The following TRIM58 variants were observed in gnomAD, a reference collection of about 807,000 sequenced individuals.
TRIM58 encodes tripartite motif containing 58.
In TRIM58, 38 loss-of-function variants were observed where a neutral mutation model predicts 34.1. The ratio of observed to expected loss-of-function variants is 1.12; its 90% CI spans 0.86 to 1.46. The LOEUF is 1.46. Among genes scored for constraint, TRIM58 ranks in the 40% most tolerant of loss-of-function variants. TRIM58 has a pLI of 0.00. For missense variants in TRIM58, 677 were observed against 642.0 expected (o/e 1.05, Z -0.59); for synonymous variants, 273 against 275.7 (o/e 0.99, Z 0.10).
At chr1:247,862,889 T>A (rs984811691) in intron 2 of TRIM58, among the ~76,000 whole-genome samples, 3 of 152,200 alleles carry the variant, frequency 2.0e-5, no homozygotes, top group African/African-American at 7.2e-5. Flanking sequence ...GAAAGGAAGA[T>A]GGATTGCAGG....
chr1:247,879,828 T>C lies in TRIM58; in HGVS notation c.*3339T>C, dbSNP rs1295123909. Among the ~76,000 whole-genome samples the C allele has an allele frequency of 6.6e-6, 1 of 151,696 alleles. No homozygotes were observed. Among genetic ancestry groups the C allele is most frequent in the Non-Finnish European group, 1.5e-5 (1 of 67,960 alleles). On this transcript the variant is annotated 3_prime_UTR_variant, in exon 6 of 6. Coordinates refer to ENST00000366481, the MANE Select transcript of TRIM58 (RefSeq NM_015431.4). ...ACTCTTCTGAGATCCAGCTTCTCAGTGATACCACACAGCCCTACTCCCCCC... is the reference window on the plus strand; with the variant it reads ...ACTCTTCTGAGATCCAGCTTCTCAGCGATACCACACAGCCCTACTCCCCCC...
At chr1:247,858,913 T>G (rs1663707602) in intron 1 of TRIM58, among the ~76,000 whole-genome samples, 2 of 151,854 alleles carry the variant, frequency 1.3e-5, no homozygotes, top group Admixed American at 1.3e-4. Flanking sequence ...ATTACAGGTA[T>G]GCGTCACCAC....
In TRIM58 at chr1:247,876,391, C is replaced by T. The variant is rs766276001; in HGVS notation, c.1363C>T (p.Pro455Ser). ...TTACTTTTTCATCTGTGATGCAACTCCTCTTATCTTGCCACCCACAACAAT... is the reference window on the plus strand; with the variant it reads ...TTACTTTTTCATCTGTGATGCAACTTCTCTTATCTTGCCACCCACAACAAT... ...RPYFFICDAT[P>S]LILPPTTIAG... is the part of the protein sequence containing the mutation. Residue 455 changes from proline to serine, a missense_variant, in exon 6 of 6, where the codon CCT becomes TCT. Transcript: ENST00000366481. 1 of 1,614,170 alleles carries T rather than the reference C, an allele frequency of 6.2e-7. No homozygotes were observed. The highest frequency in any genetic ancestry group is 2.2e-5 in the East Asian group (1 of 44,886).
At chr1:247,859,165 C>A (rs988672814) in intron 1 of TRIM58, among the ~76,000 whole-genome samples, 5 of 152,024 alleles carry the variant, frequency 3.3e-5, no homozygotes, top group Admixed American at 1.3e-4. Flanking sequence ...TTTCTAGGGC[C>A]CTAAGTTATG....
intron 3 of TRIM58, among the ~76,000 whole-genome samples, chr1:247,865,143 G>A (rs1214690526): frequency 6.6e-6 from 1 of 152,188 alleles, no homozygotes; most frequent in African/African-American, 2.4e-5. Flanking sequence ...GAATCATATA[G>A]TTTGAGTCTG....
chr1:247,861,942 G>A (rs1416533649), intron 2 of TRIM58, among the ~76,000 whole-genome samples: 2 of 151,578 alleles, frequency 1.3e-5, no homozygotes, highest in South Asian at 2.1e-4. Context: ...TGACCAACAC[G>A]GAGAAACCCC....
At chr1:247,862,711 A>T (rs889019248) in intron 2 of TRIM58, among the ~76,000 whole-genome samples, 1 of 152,176 alleles carries the variant, frequency 6.6e-6, no homozygotes, top group Non-Finnish European at 1.5e-5. Context: ...TGATACTAAG[A>T]TCCCTGTTCT....
In TRIM58 at chr1:247,864,822, CT is replaced by C; in HGVS notation, c.635del (p.Leu212ArgfsTer18). ...GCTGGAGGCGGAGGAGCGAGCGACGCTGCAGAGACTGCGGGAGAGCAAGAGC... is the reference window on the plus strand; with the variant it reads ...GCTGGAGGCGGAGGAGCGAGCGACGCGCAGAGACTGCGGGAGAGCAAGAGC... ...RRLEAEERAT[L>X]QRLRESKSRL... On this transcript the variant is annotated frameshift_variant, in exon 3 of 6. Coordinates refer to ENST00000366481, the MANE Select transcript of TRIM58 (RefSeq NM_015431.4). LOFTEE classifies it high-confidence loss of function. 1 of 1,613,728 alleles carries C rather than the reference CT, an allele frequency of 6.2e-7. No individual in the cohort carries two copies. Among genetic ancestry groups the C allele is most frequent in the African/African-American group, 1.3e-5 (1 of 75,054 alleles).
At chr1:247,860,573 T>G in intron 1 of TRIM58, 44 bp from the exon 2 acceptor site, 4 of 1,399,426 alleles carry the variant, frequency 2.9e-6, no homozygotes, top group Non-Finnish European at 4.0e-6. Context: ...TGACGTTAGG[T>G]ACAGATTGAG....
At chr1:247,870,114 C>G (rs574007389) in intron 5 of TRIM58, among the ~76,000 whole-genome samples, 51 of 152,152 alleles carry the variant, frequency 3.4e-4, no homozygotes, top group Non-Finnish European at 6.2e-4. Flanking sequence ...AATTAAAATG[C>G]AGGGACTTCA....
In TRIM58 at chr1:247,879,831, T is replaced by TA. The variant is rs1659370673; in HGVS notation, c.*3343dup. 6.6e-6 allele frequency among the ~76,000 whole-genome samples: 1 copy of TA among 151,708 alleles called. No individual in the cohort carries two copies. The highest frequency in any genetic ancestry group is 2.4e-5 in the African/African-American group (1 of 41,280). On this transcript the variant is annotated 3_prime_UTR_variant, in exon 6 of 6. Coordinates refer to ENST00000366481, the MANE Select transcript of TRIM58 (RefSeq NM_015431.4). The stretch of plus-strand genomic sequence containing the variant: ...CTTCTGAGATCCAGCTTCTCAGTGA[T>TA]ACCACACAGCCCTACTCCCCCCAGA...
chr1:247,876,458 C>G lies in TRIM58; in HGVS notation c.1430C>G (p.Pro477Arg), dbSNP rs376987385. Reference sequence around the variant, plus strand: ...TGGGCATCCAGGGATCATTTAGATCCTGCTTCTGATGTAAGAGATGATCAT... The same window carrying G: ...TGGGCATCCAGGGATCATTTAGATCGTGCTTCTGATGTAAGAGATGATCAT... Reference protein sequence around the residue: ...GNWASRDHLDPASDVRDDHL With the variant: ...GNWASRDHLDRASDVRDDHL Residue 477 changes from proline to arginine, a missense_variant, in exon 6 of 6, where the codon CCT becomes CGT. Pro to Arg is a moderately radical substitution (Grantham distance 103). Transcript: ENST00000366481. 2 of 1,614,038 alleles carry G rather than the reference C, an allele frequency of 1.2e-6. No homozygotes were observed. Among genetic ancestry groups the G allele is most frequent in the South Asian group, 1.1e-5 (1 of 91,064 alleles).
chr1:247,858,066 A>G (rs1260801296), intron 1 of TRIM58, among the ~76,000 whole-genome samples: 7 of 152,188 alleles, frequency 4.6e-5, no homozygotes, highest in African/African-American at 1.7e-4. Context: ...CATTTGTGCA[A>G]TGCTTTGCTT....
At chr1:247,866,044 T>A (rs11204527) in intron 3 of TRIM58, among the ~76,000 whole-genome samples, 1 of 151,926 alleles carries the variant, frequency 6.6e-6, no homozygotes, top group Non-Finnish European at 1.5e-5. Context: ...TCTCATTTTA[T>A]CTTATATATA....
Position 247,878,624 on chromosome 1 carries a change from G to T in TRIM58, c.*2135G>T, listed in dbSNP as rs1659343991. ...ACAGCATCCCTTCCCACAGGGATCAGGTGGGTGGCTTGAGATACCCCTTCC... is the reference window on the plus strand; with the variant it reads ...ACAGCATCCCTTCCCACAGGGATCATGTGGGTGGCTTGAGATACCCCTTCC... On this transcript the variant is annotated 3_prime_UTR_variant, in exon 6 of 6. Transcript: ENST00000366481. Among the ~76,000 whole-genome samples the T allele has an allele frequency of 6.6e-6, 1 of 152,096 alleles. No individual in the cohort carries two copies. The highest frequency in any genetic ancestry group is 1.5e-5 in the Non-Finnish European group (1 of 68,022).
intron 1 of TRIM58, among the ~76,000 whole-genome samples, chr1:247,859,642 A>T (rs1663733580): frequency 6.6e-6 from 1 of 152,122 alleles, no homozygotes; most frequent in Non-Finnish European, 1.5e-5. Flanking sequence ...CATATAAAAT[A>T]TGATAACCTA....
Position 247,876,168 on chromosome 1 carries a change from G to C in TRIM58, c.1140G>C (p.Gly380=), listed in dbSNP as rs1429302195. Residue 380 remains glycine (G), a synonymous_variant, in exon 6 of 6, where the codon GGG becomes GGC. Transcript: ENST00000366481. The part of the protein sequence containing the change: ...KGETTPSPEN[G]VWALWLLKGN... The stretch of plus-strand genomic sequence containing the variant: ...AAACCACGCCATCTCCTGAGAATGG[G>C]GTCTGGGCCCTGTGGCTGCTGAAAG... 6.2e-7 allele frequency: 1 copy of C among 1,614,200 alleles called. No individual in the cohort carries two copies. The highest frequency in any genetic ancestry group is 1.7e-5 in the Admixed American group (1 of 60,020).
chr1:247,863,182 T>A (rs1663835866), intron 2 of TRIM58, among the ~76,000 whole-genome samples: 1 of 152,196 alleles, frequency 6.6e-6, no homozygotes, highest in Non-Finnish European at 1.5e-5. Flanking sequence ...TCTTAGGGGA[T>A]GTTTAGTTTA....
chr1:247,862,936 G>A (rs542530309), intron 2 of TRIM58, among the ~76,000 whole-genome samples: 12 of 152,048 alleles, frequency 7.9e-5, no homozygotes, highest in South Asian at 4.2e-4. Context: ...ACACCCCCTC[G>A]TGCCCCAGGT....
Sources: allele counts gnomAD v4.1 joint callset (sites outside exome capture counted in the v4.1 genomes callset), GRCh38; gene constraint gnomAD v4.1.1; transcripts MANE v1.5; gene names NCBI Gene and HGNC (gene_info 2026-07-23, HGNC 2026-07-21).